The following MYOM3 variants were observed in gnomAD, a reference collection of about 807,000 sequenced individuals.
The protein encoded by MYOM3 is myomesin-3.
Under a neutral mutation model 191.7 loss-of-function variants are expected in MYOM3, and 155 were observed. That is an observed-to-expected ratio of 0.81 (90% CI 0.71 to 0.92). MYOM3 has a LOEUF of 0.92. Among genes scored for constraint, MYOM3 ranks in the 40% least tolerant of loss-of-function variants. MYOM3 has a pLI of 0.00. For synonymous variants in MYOM3, 757 were observed against 762.9 expected (o/e 0.99, Z 0.13); for missense variants, 1,889 against 1,890.6 (o/e 1.00, Z 0.02).
At chr1:24,095,584 G>T in intron 7 of MYOM3, 98 bp from the exon 8 acceptor site, 2 of 1,024,296 alleles carry the variant, frequency 2.0e-6, no homozygotes, top group Non-Finnish European at 2.9e-6. Context: ...TTGAGTCCTG[G>T]TCTGTTGGTG....
rs992907286 is a variant in MYOM3, at chr1:24,089,944, GC to G, written c.1486+120del. The G allele has an allele frequency of 6.9e-6, 7 of 1,014,026 alleles. No homozygotes were observed. The African/African-American group carries it at 9.5e-5, about 14-fold the overall frequency. 62.8% of individuals were successfully genotyped at this position (1,014,026 alleles called of 1,614,324 possible). On this transcript the variant is annotated intron_variant, in intron 13 of 36. Coordinates refer to ENST00000374434, the MANE Select transcript of MYOM3 (RefSeq NM_152372.4). ...CAGCACTCTGACTGCCTCCAACTAG[GC>G]CCCACCTGCCCTCATCCCCCACACC...
intron 20 of MYOM3, among the ~76,000 whole-genome samples, chr1:24,077,170 C>T (rs1041481631): frequency 1.8e-4 from 27 of 152,176 alleles, no homozygotes; most frequent in African/African-American, 5.8e-4. Flanking sequence ...GTCCCGTCCA[C>T]GGTCGTGATT....
intron 10 of MYOM3, 94 bp from the exon 11 acceptor site, chr1:24,092,409 T>A: frequency 8.8e-7 from 1 of 1,134,736 alleles, no homozygotes; most frequent in Non-Finnish European, 1.1e-6. Context: ...TTCTCATCCA[T>A]CCTCCAGGGG....
intron 34 of MYOM3, 95 bp from the exon 35 acceptor site, chr1:24,061,177 G>A: frequency 1.2e-6 from 2 of 1,604,122 alleles, no homozygotes; most frequent in East Asian, 2.2e-5. Context: ...GAAAGGTGGA[G>A]CTGGCTGGGG....
intron 35 of MYOM3, 75 bp downstream of exon 35, chr1:24,060,982 CCCA>C (rs1643362926): frequency 6.4e-7 from 1 of 1,553,164 alleles, no homozygotes; most frequent in Admixed American, 1.7e-5. Flanking sequence ...CCTTCAGCAG[CCCA>C]CCAAGAGGGT....
chr1:24,095,471 T>A lies in MYOM3; in HGVS notation c.761A>T (p.Asp254Val), dbSNP rs1643874084. Reference sequence around the variant, plus strand: ...GAAGATCTCTGAATCGAAGCCAGCATCCTTCCCCAGGTAAGCTGAAAAACC... The same window carrying A: ...GAAGATCTCTGAATCGAAGCCAGCAACCTTCCCCAGGTAAGCTGAAAAACC... The part of the protein sequence containing the change: ...KVLVRTYLGK[D>V]AGFDSEIFKR... Residue 254 changes from aspartate to valine, a missense_variant, in exon 8 of 37, where the codon GAT becomes GTT. By Grantham distance (152) the Asp-to-Val change is radical. Coordinates refer to ENST00000374434, the MANE Select transcript of MYOM3 (RefSeq NM_152372.4). The A allele has an allele frequency of 6.2e-7, 1 of 1,612,832 alleles. No homozygotes were observed. Among genetic ancestry groups the A allele is most frequent in the African/African-American group, 1.3e-5 (1 of 74,836 alleles).
chr1:24,104,524 G>A (rs1643966451), intron 5 of MYOM3, among the ~76,000 whole-genome samples: 1 of 152,074 alleles, frequency 6.6e-6, no homozygotes. Context: ...CACCCAGGCT[G>A]AAGTGCAGTG....
intron 35 of MYOM3, among the ~76,000 whole-genome samples, chr1:24,060,802 T>C (rs1049236670): frequency 1.8e-4 from 27 of 152,064 alleles, no homozygotes; most frequent in Admixed American, 3.9e-4. Flanking sequence ...GTCTGTCCCC[T>C]CCTTTTCGGT....
chr1:24,108,306 G>A, intron 2 of MYOM3, 170 bp downstream of exon 2: 3 of 786,078 alleles, frequency 3.8e-6, no homozygotes, highest in Non-Finnish European at 5.9e-6. Flanking sequence ...TCACATGGGG[G>A]TCTCCAGAGA....
Position 24,071,250 on chromosome 1 carries a change from A to G in MYOM3, c.3017T>C (p.Ile1006Thr), listed in dbSNP as rs749452194. The G allele has an allele frequency of 1.2e-6, 2 of 1,612,446 alleles. No individual in the cohort carries two copies. Among genetic ancestry groups the G allele is most frequent in the Non-Finnish European group, 1.7e-6 (2 of 1,179,284 alleles). ...KLSHEIRNPV[I>T]KLISGWNIDI... ...AATGTTCCAGCCGGAGATCAGTTTG[A>G]TCACTGGGAGGCGCAGGACGGGAAG... The change falls in exon 25 of 37, where the codon ATC becomes ACC. Residue 1006 changes from isoleucine to threonine, a missense_variant. By Grantham distance (89) the Ile-to-Thr change is moderately conservative. Transcript: ENST00000374434.
At chr1:24,057,770 G>A in intron 36 of MYOM3, 143 bp from the exon 37 acceptor site, 1 of 658,780 alleles carries the variant, frequency 1.5e-6, no homozygotes, top group South Asian at 2.0e-5. Flanking sequence ...TTTATAAAGG[G>A]GAGAGATTTT....
chr1:24,082,020 A>T lies in MYOM3; in HGVS notation c.2261T>A (p.Ile754Asn), dbSNP rs536842792. 1 of 1,610,932 alleles carries T rather than the reference A, an allele frequency of 6.2e-7. No homozygotes were observed. The highest frequency in any genetic ancestry group is 1.7e-5 in the Admixed American group (1 of 59,896). The change falls in exon 18 of 37, where the codon ATC (isoleucine) becomes AAC (asparagine). Residue 754 changes from isoleucine (I) to asparagine (N), a missense_variant. Transcript: ENST00000374434. ...LDWHAVNQQP[I>N]PTRVCKVSDL... ...CCCTACCTTGCAGACCCGGGTGGGG[A>T]TGGGCTGCTGATTGACCGCATGCCA... is the stretch of plus-strand genomic sequence containing the variant.
At chr1:24,106,564 C>T (rs967016826) in intron 4 of MYOM3, among the ~76,000 whole-genome samples, 23 of 152,070 alleles carry the variant, frequency 1.5e-4, no homozygotes, top group African/African-American at 4.3e-4. Context: ...TTTACAATGA[C>T]GTCTATTTTA....
chr1:24,056,998 T>C lies in MYOM3; in HGVS notation c.*366A>G, dbSNP rs1372832577. 1 of 225,852 alleles carries C rather than the reference T, an allele frequency of 4.4e-6. No homozygotes were observed. Among genetic ancestry groups the C allele is most frequent in the Non-Finnish European group, 8.7e-6 (1 of 115,302 alleles). The allele number at this position is 225,852 out of a possible 1,614,324, so 14.0% of individuals were successfully genotyped here. ...ATGTATCAGTTTATGGCAGGGCTCA[T>C]GGCCCTTGGCACTTTTGACATCTGG... On this transcript the variant is annotated 3_prime_UTR_variant, in exon 37 of 37. Coordinates refer to ENST00000374434, the MANE Select transcript of MYOM3 (RefSeq NM_152372.4).
intron 5 of MYOM3, among the ~76,000 whole-genome samples, chr1:24,103,528 C>G (rs1455414762): frequency 6.6e-6 from 1 of 152,114 alleles, no homozygotes; most frequent in Non-Finnish European, 1.5e-5. Flanking sequence ...AGCAAAAACT[C>G]AGTTGTATGT....
rs369980935 is a variant in MYOM3, at chr1:24,065,993, G to A, written c.3432C>T (p.Asn1144=). 2.2e-5 allele frequency: 35 copies of A among 1,611,342 alleles called. No individual in the cohort carries two copies. The highest frequency in any genetic ancestry group is 1.6e-4 in the Middle Eastern group (1 of 6,082). The change falls in exon 29 of 37, where the codon AAC becomes AAT. Residue 1144 remains asparagine, a synonymous_variant. Coordinates refer to ENST00000374434, the MANE Select transcript of MYOM3 (RefSeq NM_152372.4). ...CQVQLTCKVT[N]TKKETRFQWF... ...ACTGAAAGCGAGTCTCCTTCTTGGT[G>A]TTGGTCACCTGGGGAAGGTGGGGAA...
chr1:24,108,110 G>C (rs1338977363), intron 2 of MYOM3, 37 bp from the exon 3 acceptor site: 1 of 1,591,952 alleles, frequency 6.3e-7, no homozygotes, highest in East Asian at 2.2e-5. Flanking sequence ...GGCTCTTGCA[G>C]GATTGGCTGG....
rs1643874247 is a variant in MYOM3, at chr1:24,095,494, AC to A, written c.746-9del. 1.2e-6 allele frequency: 2 copies of A among 1,612,092 alleles called. No homozygotes were observed. The highest frequency in any genetic ancestry group is 2.7e-5 in the African/African-American group (2 of 74,860). ...CATCCTTCCCCAGGTAAGCTGAAAA[AC>A]CAAAGGCAAACAGAGTTGGAGAAGG... is the stretch of plus-strand genomic sequence containing the variant. On this transcript the variant is annotated splice_polypyrimidine_tract_variant and intron_variant, in intron 7 of 36. Transcript: ENST00000374434.
At position 24,089,527 on chromosome 1, in the gene MYOM3, G is replaced by T; in HGVS notation, c.1614+11C>A. On this transcript the variant is annotated intron_variant, in intron 14 of 36. Coordinates refer to ENST00000374434, the MANE Select transcript of MYOM3 (RefSeq NM_152372.4). ...AGGCTGGCCTGGGGCTGGGGCCTCG[G>T]GGTTCCCTACCTTCTCCAGGGAGTA... 6.3e-7 allele frequency: 1 copy of T among 1,593,332 alleles called. No homozygotes were observed. The highest frequency in any genetic ancestry group is 8.5e-7 in the Non-Finnish European group (1 of 1,169,644).
Sources: allele counts gnomAD v4.1 joint callset (sites outside exome capture counted in the v4.1 genomes callset), GRCh38; gene constraint gnomAD v4.1.1; transcripts MANE v1.5; gene names NCBI Gene and HGNC (gene_info 2026-07-23, HGNC 2026-07-21).